CEP112: variants seen among roughly 807,000 people sequenced by gnomAD.
CEP112 encodes centrosomal protein of 112 kDa.
CEP112 carries 127 observed loss-of-function variants against 153.0 expected under a neutral mutation model. That is an observed-to-expected ratio of 0.83 (90% CI 0.72 to 0.96). The LOEUF is 0.96. Ranked by LOEUF, CEP112 falls within the 40% of genes least tolerant of loss-of-function variation. The pLI is 0.00. For synonymous variants in CEP112, 358 were observed against 374.4 expected, an observed-to-expected ratio of 0.96 and a Z score of 0.51; for missense variants, 1,089 against 1,101.2, an observed-to-expected ratio of 0.99 and a Z score of 0.16.
chr17:65,984,248 C>T (rs991255550), intron 17 of CEP112, among the ~76,000 whole-genome samples: 2 of 152,086 alleles, frequency 1.3e-5, no homozygotes, highest in African/African-American at 4.8e-5. Context: ...AATGTTGTCT[C>T]TATGACAGTG....
At chr17:66,057,758 TACACACAC>T (rs71160526) in intron 11 of CEP112, among the ~76,000 whole-genome samples, 2,922 of 142,434 alleles carry the variant, frequency 0.021, 47 homozygotes, top group Admixed American at 0.05. Flanking sequence ...AAAATTACTC[TACACACAC>T]ACACACACAC....
intron 17 of CEP112, among the ~76,000 whole-genome samples, chr17:65,965,383 C>T (rs991916945): frequency 1.3e-5 from 2 of 152,114 alleles, no homozygotes; most frequent in African/African-American, 4.8e-5. Flanking sequence ...TCCAGTCCCG[C>T]CATACTGTCT....
At chr17:65,842,902 T>C (rs1288208471) in intron 21 of CEP112, among the ~76,000 whole-genome samples, 2 of 152,126 alleles carry the variant, frequency 1.3e-5, no homozygotes, top group Non-Finnish European at 2.9e-5. Context: ...TAAGGTTTTT[T>C]TTGGCTTTTT....
intron 23 of CEP112, among the ~76,000 whole-genome samples, chr17:65,710,838 T>G (rs1290877391): frequency 6.6e-6 from 1 of 152,230 alleles, no homozygotes; most frequent in Non-Finnish European, 1.5e-5. Context: ...ATAAGGACTT[T>G]CTGCTGTTGG....
At chr17:66,084,982 A>T (rs1045314620) in intron 8 of CEP112, among the ~76,000 whole-genome samples, 2 of 152,196 alleles carry the variant, frequency 1.3e-5, no homozygotes, top group Non-Finnish European at 2.9e-5. Context: ...TTAAAAAGTT[A>T]AAAATAGAAG....
intron 21 of CEP112, among the ~76,000 whole-genome samples, chr17:65,782,042 A>T (rs1167621560): frequency 6.6e-6 from 1 of 152,130 alleles, no homozygotes; most frequent in African/African-American, 2.4e-5. Flanking sequence ...TGCACAGCAA[A>T]ATAACTACCA....
intron 17 of CEP112, among the ~76,000 whole-genome samples, chr17:65,974,565 A>G (rs928207918): frequency 2.6e-5 from 4 of 152,208 alleles, no homozygotes; most frequent in African/African-American, 9.6e-5. Context: ...GTTATTCATG[A>G]CAGCATCACA....
intron 24 of CEP112, among the ~76,000 whole-genome samples, chr17:65,661,471 C>G (rs2046382600): frequency 1.3e-5 from 2 of 152,180 alleles, no homozygotes. Flanking sequence ...CATAGTCACA[C>G]AGCTACTTGG....
intron 9 of CEP112, among the ~76,000 whole-genome samples, chr17:66,069,584 G>T (rs531984627): frequency 6.6e-6 from 1 of 152,054 alleles, no homozygotes; most frequent in South Asian, 2.1e-4. Flanking sequence ...ATTTACCATT[G>T]ATGTCTTATT....
At chr17:66,051,908 T>C (rs565853474) in intron 12 of CEP112, among the ~76,000 whole-genome samples, 2 of 152,326 alleles carry the variant, frequency 1.3e-5, no homozygotes, top group East Asian at 3.9e-4. Flanking sequence ...ATATCATTAA[T>C]TCAAAAATGC....
intron 3 of CEP112, among the ~76,000 whole-genome samples, chr17:66,176,059 C>T (rs1262070641): frequency 3.3e-5 from 5 of 152,192 alleles, no homozygotes; most frequent in Middle Eastern, 3.4e-3. Context: ...GGCATTGTGC[C>T]ATGGAAAACA....
chr17:66,119,969 T>G (rs955485188), intron 6 of CEP112, among the ~76,000 whole-genome samples: 2 of 152,202 alleles, frequency 1.3e-5, no homozygotes, highest in Non-Finnish European at 2.9e-5. Context: ...TCCCATCTTT[T>G]AATTAGGTTG....
intron 4 of CEP112, among the ~76,000 whole-genome samples, chr17:66,161,570 A>T (rs1270158659): frequency 1.3e-5 from 2 of 152,168 alleles, no homozygotes; most frequent in Non-Finnish European, 2.9e-5. Context: ...CATTCTTAGC[A>T]AACTAACACA....
intron 12 of CEP112, among the ~76,000 whole-genome samples, chr17:66,037,850 A>G (rs1348023806): frequency 6.6e-6 from 1 of 152,172 alleles, no homozygotes; most frequent in East Asian, 1.9e-4. Flanking sequence ...ACTTCTCCTG[A>G]GAATTCTTCA....
intron 18 of CEP112, among the ~76,000 whole-genome samples, chr17:65,934,859 G>T (rs750021051): frequency 6.6e-6 from 1 of 152,290 alleles, no homozygotes; most frequent in African/African-American, 2.4e-5. Flanking sequence ...GCATGGCTGC[G>T]GAGGCCTCAG....
chr17:66,051,560 A>T (rs948826662), intron 12 of CEP112, among the ~76,000 whole-genome samples: 1 of 152,070 alleles, frequency 6.6e-6, no homozygotes, highest in African/African-American at 2.4e-5. Flanking sequence ...CAACTGTCTG[A>T]CCCTAAAGTC....
At chr17:65,991,455 CTT>C (rs1428277938) in intron 17 of CEP112, among the ~76,000 whole-genome samples, 1 of 152,038 alleles carries the variant, frequency 6.6e-6, no homozygotes, top group African/African-American at 2.4e-5. Flanking sequence ...AAGTTACAAA[CTT>C]AATTAATCTT....
At chr17:65,690,523 C>A (rs188541823) in intron 23 of CEP112, among the ~76,000 whole-genome samples, 2 of 150,920 alleles carry the variant, frequency 1.3e-5, no homozygotes, top group East Asian at 1.9e-4. Flanking sequence ...ATTATATAAC[C>A]GTGATGAGTG....
intron 18 of CEP112, among the ~76,000 whole-genome samples, chr17:65,952,126 T>C (rs2061856400): frequency 1.3e-5 from 2 of 152,104 alleles, no homozygotes; most frequent in African/African-American, 4.8e-5. Context: ...AGACTTGTCT[T>C]GTATCCAAGC....
Sources: allele counts gnomAD v4.1 joint callset (sites outside exome capture counted in the v4.1 genomes callset), GRCh38; gene constraint gnomAD v4.1.1; transcripts MANE v1.5; gene names NCBI Gene and HGNC (gene_info 2026-07-23, HGNC 2026-07-21).